Variants in GBE1 observed in about 807,000 individuals in gnomAD.
GBE1 encodes 1,4-alpha-glucan branching enzyme 1.
A neutral mutation model predicts 88.8 loss-of-function variants in GBE1; 70 were observed. That is an observed-to-expected ratio of 0.79 (90% confidence interval 0.65 to 0.96). The LOEUF (loss-of-function observed/expected upper bound fraction) is 0.96. Ranked by LOEUF, GBE1 falls within the 40% of genes least tolerant of loss-of-function variation. The pLI is 0.00. For synonymous variants in GBE1, 284 were observed against 300.1 expected, an observed-to-expected ratio of 0.95 and a Z score of 0.56; for missense variants, 872 against 871.0, an observed-to-expected ratio of 1.00 and a Z score of -0.01.
At chr3:81,646,229 G>C (rs1463190122) in intron 6 of GBE1, among the ~76,000 whole-genome samples, 163 bp downstream of exon 6, 1 of 152,186 alleles carries the variant, frequency 6.6e-6, no homozygotes, top group African/African-American at 2.4e-5. Flanking sequence ...TAAGGCTGGA[G>C]GAGAAGAGAG....
chr3:81,716,875 C>T (rs9871474), intron 1 of GBE1, among the ~76,000 whole-genome samples: 23,683 of 152,116 alleles, frequency 0.16, 1,946 homozygotes, highest in Non-Finnish European at 0.17. Context: ...AGTCTTCTGG[C>T]AAAGTGAAAA....
rs974866538 is a variant in GBE1 at position 81,609,558 on chromosome 3, G to GT, written c.993-15536dup. On this transcript the variant is annotated intron_variant, in intron 7 of 15. Transcript: ENST00000429644. ...ATGTTTGCTCCCTAGGATTTTGGGGGTTTTTTTTTGGTTTTTGTTTGTTTT... is the reference window on the plus strand; with the variant it reads ...ATGTTTGCTCCCTAGGATTTTGGGGGTTTTTTTTTTGGTTTTTGTTTGTTTT... 1.7e-3 allele frequency among the ~76,000 whole-genome samples: 259 copies of GT among 150,410 alleles called. 2 individuals carry two copies. The highest frequency in any genetic ancestry group is 4.4e-3 in the African/African-American group (181 of 40,984).
At chr3:81,570,284 G>A (rs1353479519) in intron 12 of GBE1, among the ~76,000 whole-genome samples, 2 of 152,096 alleles carry the variant, frequency 1.3e-5, no homozygotes, top group East Asian at 3.8e-4. Context: ...AAATCTATGG[G>A]ATTAAGAATT....
At chr3:81,569,994 T>C (rs527903017) in intron 12 of GBE1, among the ~76,000 whole-genome samples, 2 of 152,002 alleles carry the variant, frequency 1.3e-5, no homozygotes, top group Non-Finnish European at 2.9e-5. Flanking sequence ...TCTGTATTTT[T>C]AGAAGAGATA....
chr3:81,716,262 AT>A lies in GBE1; in HGVS notation c.144-10650del, dbSNP rs1288360356. ...ACTTTCAGTCTCAAATTAATAAAAT[AT>A]ATAGAGAAGTTATGGTTATGAAGAG... On this transcript the variant is annotated intron_variant, in intron 1 of 15. Transcript: ENST00000429644. Among the ~76,000 whole-genome samples the A allele has an allele frequency of 2.0e-5, 3 of 152,328 alleles. No individual in the cohort carries two copies. In the East Asian group the frequency reaches 5.8e-4, roughly 29 times the overall value.
intron 7 of GBE1, among the ~76,000 whole-genome samples, chr3:81,639,977 G>A (rs1704647181): frequency 6.6e-6 from 1 of 152,204 alleles, no homozygotes; most frequent in Non-Finnish European, 1.5e-5. Context: ...AAATATTGCT[G>A]TTAAGTCACT....
At chr3:81,659,700 A>AG (rs67092195) in intron 3 of GBE1, among the ~76,000 whole-genome samples, 21,431 of 151,846 alleles carry the variant, frequency 0.14, 1,627 homozygotes, top group Non-Finnish European at 0.19. Context: ...TAAAGCATGG[A>AG]GGGAAAAAAA....
chr3:81,649,079 T>G, intron 4 of GBE1, 88 bp from the exon 5 acceptor site: 1 of 882,996 alleles, frequency 1.1e-6, no homozygotes, highest in South Asian at 1.8e-5. Context: ...AAGTGGTGAA[T>G]ATACTCAAAC....
intron 7 of GBE1, chr3:81,612,219 T>TAAAAA: frequency 3.6e-6 from 1 of 280,390 alleles, no homozygotes; most frequent in Non-Finnish European, 5.7e-6. Flanking sequence ...CCACGCTCCT[T>TAAAAA]TAAAAAAAAA....
At chr3:81,567,665 A>G (rs1220004168) in intron 12 of GBE1, among the ~76,000 whole-genome samples, 1 of 152,210 alleles carries the variant, frequency 6.6e-6, no homozygotes, top group Non-Finnish European at 1.5e-5. Context: ...ATGGCCAAAG[A>G]CTATTACTAA....
chr3:81,630,790 A>G (rs1704497088), intron 7 of GBE1, among the ~76,000 whole-genome samples: 1 of 152,218 alleles, frequency 6.6e-6, no homozygotes, highest in African/African-American at 2.4e-5. Flanking sequence ...ACATGTTGAA[A>G]TAATACTTTA....
intron 1 of GBE1, among the ~76,000 whole-genome samples, chr3:81,743,934 C>T (rs2594553): frequency 0.63 from 96,046 of 151,998 alleles, 31,849 homozygotes; most frequent in East Asian, 0.94. Flanking sequence ...ATATCATCTA[C>T]TTATTTATCT....
chr3:81,737,413 T>TTATATAAAAATATATTTATA (rs1553695494), intron 1 of GBE1, among the ~76,000 whole-genome samples: 14 of 49,454 alleles, frequency 2.8e-4, no homozygotes, highest in Admixed American at 1.3e-3. Flanking sequence ...TTTTATATAT[T>TTATATAAAAATATATTTATA]TATATAAATA....
At chr3:81,719,509 G>A (rs1212476654) in intron 1 of GBE1, among the ~76,000 whole-genome samples, 1 of 152,172 alleles carries the variant, frequency 6.6e-6, no homozygotes, top group Non-Finnish European at 1.5e-5. Context: ...GAGCCACCAT[G>A]CCCAGTCTTA....
chr3:81,714,728 C>G (rs553360106), intron 1 of GBE1, among the ~76,000 whole-genome samples: 3 of 152,248 alleles, frequency 2.0e-5, no homozygotes, highest in Non-Finnish European at 4.4e-5. Context: ...ATAGACTGGA[C>G]GGTTTAAAAA....
intron 12 of GBE1, among the ~76,000 whole-genome samples, chr3:81,552,158 G>A (rs575767365): frequency 1.3e-5 from 2 of 152,326 alleles, no homozygotes; most frequent in African/African-American, 2.4e-5. Flanking sequence ...GGGTGGTTAA[G>A]TTCTCATCAA....
chr3:81,603,168 G>A (rs1704056316), intron 7 of GBE1, among the ~76,000 whole-genome samples: 1 of 151,906 alleles, frequency 6.6e-6, no homozygotes, highest in Non-Finnish European at 1.5e-5. Context: ...GATTGCAGAA[G>A]CAAATGTAAA....
At chr3:81,606,345 C>T (rs868110601) in intron 7 of GBE1, among the ~76,000 whole-genome samples, 49 of 152,186 alleles carry the variant, frequency 3.2e-4, no homozygotes, top group African/African-American at 1.1e-3. Context: ...AAACCATGCA[C>T]CAGGTGCTAT....
chr3:81,656,906 A>C (rs1388832066), intron 3 of GBE1, among the ~76,000 whole-genome samples: 1 of 152,132 alleles, frequency 6.6e-6, no homozygotes, highest in Non-Finnish European at 1.5e-5. Flanking sequence ...TTGTAATCAA[A>C]GCAATTTGGG....
Sources: allele counts gnomAD v4.1 joint callset (sites outside exome capture counted in the v4.1 genomes callset), GRCh38; gene constraint gnomAD v4.1.1; transcripts MANE v1.5; gene names NCBI Gene and HGNC (gene_info 2026-07-23, HGNC 2026-07-21).